The following REG1B variants were observed in gnomAD, a reference collection of about 807,000 sequenced individuals.
REG1B encodes the protein lithostathine-1-beta.
In REG1B, 21 loss-of-function variants were observed where a neutral mutation model predicts 20.4. The observed-to-expected ratio is 1.03, with a 90% CI of 0.73 to 1.48. The LOEUF (loss-of-function observed/expected upper bound fraction) is 1.48. REG1B is among the 40% of genes most tolerant of loss of function. The pLI is 0.00. For missense variants in REG1B, 247 were observed against 197.2 expected (o/e 1.25, Z -1.51); for synonymous variants, 82 against 73.4 (o/e 1.12, Z -0.60).
chr2:79,086,476 T>C lies in REG1B; in HGVS notation c.212A>G (p.Asn71Ser). 6.2e-7 allele frequency: 1 copy of C among 1,613,738 alleles called. No homozygotes were observed. The highest frequency in any genetic ancestry group is 1.3e-5 in the African/African-American group (1 of 74,960). ...DLYCQNMNSG[N>S]LVSVLTQAEG... Reference sequence around the variant, plus strand: ...CGCCTGGGTGAGCACAGACACCAGGTTGCCTGAATTCATGTTCTGGCAATA... The same window carrying C: ...CGCCTGGGTGAGCACAGACACCAGGCTGCCTGAATTCATGTTCTGGCAATA... The change falls in exon 4 of 6, where the codon AAC (asparagine) becomes AGC (serine). Residue 71 changes from asparagine (N) to serine (S), a missense_variant. Transcript: ENST00000305089.
At chr2:79,085,785 G>A (rs1335627667) in intron 4 of REG1B, 182 bp from the exon 5 acceptor site, 7 of 447,670 alleles carry the variant, frequency 1.6e-5, no homozygotes, top group African/African-American at 7.9e-5. Context: ...TAGAATGTCC[G>A]AATTCCTCCT....
intron 4 of REG1B, chr2:79,085,887 C>G: frequency 3.5e-6 from 1 of 285,494 alleles, no homozygotes; most frequent in Admixed American, 4.9e-5. Context: ...TTTCCTGAAT[C>G]TCAGAACTCT....
rs1672387015 is a variant in REG1B, at chr2:79,085,590, T to A, written c.335A>T (p.His112Leu). ...GGAGACCAGGGACCCACTACTCCAG[T>A]GCCAGCGGCGGTTCTAGATGGAGAA... is the stretch of plus-strand genomic sequence containing the variant. ...LHDPKKNRRW[H>L]WSSGSLVSYK... Residue 112 changes from histidine to leucine, a missense_variant, in exon 5 of 6, where the codon CAC (histidine) becomes CTC (leucine). His to Leu is a moderately conservative substitution (Grantham distance 99). Coordinates refer to ENST00000305089, the MANE Select transcript of REG1B (RefSeq NM_006507.4). 1.2e-6 allele frequency: 2 copies of A among 1,612,490 alleles called. No individual in the cohort carries two copies. The highest frequency in any genetic ancestry group is 3.3e-5 in the Admixed American group (2 of 59,862).
At chr2:79,086,589 A>T in intron 3 of REG1B, 85 bp from the exon 4 acceptor site, 1 of 1,537,274 alleles carries the variant, frequency 6.5e-7, no homozygotes, top group Non-Finnish European at 8.9e-7. Flanking sequence ...TAACAGAAAA[A>T]GGACAGCACA....
chr2:79,085,916 G>T, intron 4 of REG1B: 1 of 268,568 alleles, frequency 3.7e-6, no homozygotes, highest in Non-Finnish European at 7.1e-6. Flanking sequence ...GCATAACATT[G>T]GCTGTAGAGT....
chr2:79,085,068 A>T lies in REG1B; in HGVS notation c.*148T>A. 1 of 652,328 alleles carries T rather than the reference A, an allele frequency of 1.5e-6. No homozygotes were observed. The highest frequency in any genetic ancestry group is 2.6e-5 in the East Asian group (1 of 39,068). 40.4% of individuals were successfully genotyped at this position (652,328 alleles called of 1,614,324 possible). ...GTTTTTATTTTTCAGGGCTCTAGAG[A>T]CTGAGACAGGTGAAGGTACTGAAGA... On this transcript the variant is annotated 3_prime_UTR_variant, in exon 6 of 6. Coordinates refer to ENST00000305089, the MANE Select transcript of REG1B (RefSeq NM_006507.4).
rs773375427 is a variant in REG1B, at chr2:79,087,607, A to G, written c.6T>C (p.Ala2=). The G allele has an allele frequency of 1.2e-6, 2 of 1,612,994 alleles. No homozygotes were observed. The highest frequency in any genetic ancestry group is 2.2e-5 in the South Asian group (2 of 91,062). The part of the protein sequence containing the change: M[A]QTNSFFMLIS... Reference sequence around the variant, plus strand: ...TCAGCATGAAGAACGAGTTGGTCTGAGCCATGCTTAGCGGCAGTGAATCTC... The same window carrying G: ...TCAGCATGAAGAACGAGTTGGTCTGGGCCATGCTTAGCGGCAGTGAATCTC... The change falls in exon 2 of 6, where the codon GCT becomes GCC. Residue 2 remains alanine, a synonymous_variant. Transcript: ENST00000305089.
intron 4 of REG1B, 136 bp from the exon 5 acceptor site, chr2:79,085,739 C>G (rs1369634112): frequency 2.2e-5 from 12 of 546,164 alleles, no homozygotes; most frequent in Middle Eastern, 4.9e-4. Flanking sequence ...AATATCATAT[C>G]ATTTCCTCTG....
chr2:79,087,645 C>G lies in REG1B; in HGVS notation c.-33G>C. ...GGCAGTGAATCTCTTGCTTAAGGAG[C>G]AAATCAGCAATCTCTGTAGGAGAAC... is the stretch of plus-strand genomic sequence containing the variant. On this transcript the variant is annotated 5_prime_UTR_variant, in exon 2 of 6. Transcript: ENST00000305089. The G allele has an allele frequency of 6.2e-7, 1 of 1,607,886 alleles. No individual in the cohort carries two copies. The highest frequency in any genetic ancestry group is 8.5e-7 in the Non-Finnish European group (1 of 1,175,246).
chr2:79,086,151 C>T (rs1558715518), intron 4 of REG1B: 1 of 542,192 alleles, frequency 1.8e-6, no homozygotes, highest in South Asian at 2.3e-5. Context: ...TGAGTGGGTG[C>T]ATGAATTCCC....
chr2:79,087,520 G>T (rs766727593), intron 2 of REG1B, 29 bp downstream of exon 2: 4 of 1,609,576 alleles, frequency 2.5e-6, no homozygotes, highest in Non-Finnish European at 3.4e-6. Context: ...CAGAGTTGGG[G>T]TTGTGGGAAG....
chr2:79,086,315 C>G, intron 4 of REG1B, 52 bp downstream of exon 4: 1 of 1,605,768 alleles, frequency 6.2e-7, no homozygotes, highest in Middle Eastern at 1.7e-4. Context: ...TTAAACGTCC[C>G]TCTTACCTCT....
chr2:79,086,161 C>A, intron 4 of REG1B: 1 of 556,328 alleles, frequency 1.8e-6, no homozygotes. Flanking sequence ...CATGAATTCC[C>A]AGAGCCCAGA....
intron 1 of REG1B, 133 bp downstream of exon 1, chr2:79,087,826 A>C (rs906234046): frequency 1.1e-5 from 5 of 467,140 alleles, no homozygotes; most frequent in African/African-American, 9.8e-5. Flanking sequence ...AAATTACCCG[A>C]AATCAGCTTT....
chr2:79,085,453 A>T (rs147708968), intron 5 of REG1B, 39 bp downstream of exon 5: 2 of 1,522,654 alleles, frequency 1.3e-6, no homozygotes, highest in Admixed American at 1.7e-5. Context: ...ATAAGTGGGA[A>T]GGAAATGGCA....
chr2:79,086,410 G>A lies in REG1B; in HGVS notation c.278C>T (p.Thr93Ile), dbSNP rs1672399948. 1.9e-6 allele frequency: 3 copies of A among 1,614,014 alleles called. No homozygotes were observed. Among genetic ancestry groups the A allele is most frequent in the African/African-American group, 1.3e-5 (1 of 74,924 alleles). The change falls in exon 4 of 6, where the codon ACT becomes ATT. Residue 93 changes from threonine (T) to isoleucine (I), a missense_variant. Transcript: ENST00000305089. ...FVASLIKESS[T>I]DDSNVWIGLH... is the part of the protein sequence containing the mutation. ...GCCAATCCAGACATTGCTGTCATCA[G>A]TGCTACTCTCCTTAATCAGTGAGGC...
At position 79,087,951 on chromosome 2, in the gene REG1B, C is replaced by T. The variant is rs964245516; in HGVS notation, c.-47+8G>A. Reference sequence around the variant, plus strand: ...TAGACATGCTCTTCTCCTGTAATGCCCCTTTACCTGTTGGTAAGTGCCTTG... The same window carrying T: ...TAGACATGCTCTTCTCCTGTAATGCTCCTTTACCTGTTGGTAAGTGCCTTG... On this transcript the variant is annotated splice_region_variant and intron_variant, in intron 1 of 5. Transcript: ENST00000305089. 7 of 215,042 alleles carry T rather than the reference C, an allele frequency of 3.3e-5. No individual in the cohort carries two copies. The highest frequency in any genetic ancestry group is 1.6e-4 in the African/African-American group (7 of 43,684). 13.3% of individuals were successfully genotyped at this position (215,042 alleles called of 1,614,324 possible).
Position 79,086,875 on chromosome 2 carries a change from G to T in REG1B, c.120C>A (p.Thr40=). ...PNPRISCPEG[T]NAYRSYCYYF... ...AGTAGCAGTAGGAGCGATAGGCATT[G>T]GTGCCTTCTGGGCAGCTGATTCGGG... Residue 40 remains threonine, a synonymous_variant, in exon 3 of 6, where the codon ACC becomes ACA. Transcript: ENST00000305089. 1.2e-6 allele frequency: 2 copies of T among 1,613,926 alleles called. No individual in the cohort carries two copies. The highest frequency in any genetic ancestry group is 1.7e-6 in the Non-Finnish European group (2 of 1,179,964).
rs774045406 is a variant in REG1B at position 79,085,181 on chromosome 2, A to G, written c.*35T>C. 10 of 1,503,648 alleles carry G rather than the reference A, an allele frequency of 6.7e-6. No homozygotes were observed. The South Asian group carries it at 1.0e-4, about 15-fold the overall frequency. The allele number at this position is 1,503,648 out of a possible 1,614,324, so 93.1% of individuals were successfully genotyped here. On this transcript the variant is annotated 3_prime_UTR_variant, in exon 6 of 6. Coordinates refer to ENST00000305089, the MANE Select transcript of REG1B (RefSeq NM_006507.4). ...TAATTTTTGACTTCATAGTAATTGC[A>G]GGACCAGTTCTAGACATCCATTTTT...
Sources: gnomAD v4.1 joint callset for allele counts on GRCh38, gnomAD v4.1.1 for gene constraint, MANE v1.5 for transcripts, NCBI Gene and HGNC (gene_info 2026-07-23, HGNC 2026-07-21) for gene names.